NARF: variants seen among roughly 807,000 people sequenced by gnomAD.
NARF encodes the protein iron-only hydrogenase-like protein 2.
In NARF, 41 loss-of-function variants were observed where a neutral mutation model predicts 48.0. The ratio of observed to expected loss-of-function variants is 0.85; its 90% CI spans 0.66 to 1.11. The LOEUF is 1.11. NARF is among the 50% of genes least tolerant of loss of function. The pLI is 0.00. For synonymous variants in NARF, 215 were observed against 225.5 expected, an observed-to-expected ratio of 0.95 and a Z score of 0.42; for missense variants, 613 against 590.2, an observed-to-expected ratio of 1.04 and a Z score of -0.40.
Position 82,468,872 on chromosome 17 carries a change from C to T in NARF, c.361C>T (p.Leu121Phe), listed in dbSNP as rs747472934. 1.2e-6 allele frequency: 2 copies of T among 1,613,962 alleles called. No homozygotes were observed. Among genetic ancestry groups the T allele is most frequent in the South Asian group, 1.1e-5 (1 of 91,000 alleles). Residue 121 changes from leucine to phenylalanine, a missense_variant, in exon 4 of 11, where the codon CTC becomes TTC. By Grantham distance (22) the Leu-to-Phe change is conservative (BLOSUM62 0). Transcript: ENST00000309794. ...NLSVTDASRR[L>F]CGFLKSLGVH... ...CAGTGTAACTGATGCATCCAGAAGACTCTGTGGTTTCCTCAAAAGTCTTGG... is the reference window on the plus strand; with the variant it reads ...CAGTGTAACTGATGCATCCAGAAGATTCTGTGGTTTCCTCAAAAGTCTTGG...
At chr17:82,459,738 G>A (rs1021725504) in intron 1 of NARF, among the ~76,000 whole-genome samples, 8 of 152,032 alleles carry the variant, frequency 5.3e-5, no homozygotes, top group African/African-American at 1.7e-4. Flanking sequence ...GTGTGGTGGC[G>A]CACACCTGTA....
Position 82,487,929 on chromosome 17 carries a change from C to CA in NARF, c.1144dup (p.Arg382LysfsTer13). ...TTTATCTTTCAGGATGCTTAAATGG[C>CA]AGAGGCCAAGCCCAGACTCCAGACG... On this transcript the variant is annotated frameshift_variant, in exon 11 of 11. Coordinates refer to ENST00000309794, the MANE Select transcript of NARF (RefSeq NM_012336.4). LOFTEE classifies it low-confidence loss of function (END_TRUNC). 1 of 1,614,188 alleles carries CA rather than the reference C, an allele frequency of 6.2e-7. No individual in the cohort carries two copies. The highest frequency in any genetic ancestry group is 8.5e-7 in the Non-Finnish European group (1 of 1,180,024).
At chr17:82,486,359 G>C (rs1364443894) in intron 10 of NARF, among the ~76,000 whole-genome samples, 1 of 152,210 alleles carries the variant, frequency 6.6e-6, no homozygotes, top group East Asian at 1.9e-4. Context: ...CACCACGAGG[G>C]ACTCGAGTGG....
At chr17:82,467,815 T>G (rs2043606323) in intron 3 of NARF, among the ~76,000 whole-genome samples, 1 of 152,220 alleles carries the variant, frequency 6.6e-6, no homozygotes, top group Non-Finnish European at 1.5e-5. Context: ...GGCTGATGAC[T>G]TTTAAGAGGC....
rs145183528 is a variant in NARF at position 82,472,560 on chromosome 17, G to A, written c.386-4G>A. On this transcript the variant is annotated splice_polypyrimidine_tract_variant and splice_region_variant and intron_variant, in intron 4 of 10. Coordinates refer to ENST00000309794, the MANE Select transcript of NARF (RefSeq NM_012336.4). ...TAAGCTGAATATGCTCCTCTCTCCTGCAGGGGTGCACTATGTATTTGATAC... is the reference window on the plus strand; with the variant it reads ...TAAGCTGAATATGCTCCTCTCTCCTACAGGGGTGCACTATGTATTTGATAC... 6 of 1,608,254 alleles carry A rather than the reference G, an allele frequency of 3.7e-6. No homozygotes were observed. Among genetic ancestry groups the A allele is most frequent in the Middle Eastern group, 3.3e-4 (2 of 6,034 alleles).
At chr17:82,463,781 T>G (rs1341171507) in intron 2 of NARF, 2 of 155,084 alleles carry the variant, frequency 1.3e-5, no homozygotes, top group Non-Finnish European at 2.9e-5. Flanking sequence ...AAGCATCTTG[T>G]TACATGTCCG....
Position 82,488,348 on chromosome 17 carries a change from C to A in NARF, c.*191C>A. The A allele has an allele frequency of 6.4e-6, 5 of 784,492 alleles. No homozygotes were observed. Among genetic ancestry groups the A allele is most frequent in the Non-Finnish European group, 9.6e-6 (5 of 520,724 alleles). The allele number at this position is 784,492 out of a possible 1,614,324, so 48.6% of individuals were successfully genotyped here. On this transcript the variant is annotated 3_prime_UTR_variant, in exon 11 of 11. Transcript: ENST00000309794. ...AGGCAGTTTCATGTGGTGCTATCTT[C>A]ATAATAGGTGTGGGATTGGAACTTT... is the stretch of plus-strand genomic sequence containing the variant.
chr17:82,487,966 A>G lies in NARF; in HGVS notation c.1180A>G (p.Lys394Glu), dbSNP rs1209858740. The G allele has an allele frequency of 1.2e-6, 2 of 1,614,104 alleles. No individual in the cohort carries two copies. The highest frequency in any genetic ancestry group is 2.7e-5 in the African/African-American group (2 of 74,938). Residue 394 changes from lysine to glutamate, a missense_variant, in exon 11 of 11, where the codon AAG becomes GAG. Transcript: ENST00000309794. ...CCAGACTCCAGACGGACATGCGGAT[A>G]AGGCCCTGCTGCGGCAGATGGAAGG... ...QAQTPDGHAD[K>E]ALLRQMEGIY... is the part of the protein sequence containing the mutation.
chr17:82,487,788 C>CCCAAAA, intron 10 of NARF, 128 bp from the exon 11 acceptor site: 3 of 759,774 alleles, frequency 3.9e-6, no homozygotes, highest in Non-Finnish European at 2.1e-6. Context: ...CCCTCCCGCC[C>CCCAAAA]AATCTCTACA....
At chr17:82,468,670 C>CT in intron 3 of NARF, 94 bp from the exon 4 acceptor site, 3 of 1,191,304 alleles carry the variant, frequency 2.5e-6, no homozygotes, top group Non-Finnish European at 3.5e-6. Context: ...CATAGACCAT[C>CT]TATTAACGTT....
chr17:82,483,292 C>A, intron 7 of NARF: 2 of 354,214 alleles, frequency 5.6e-6, no homozygotes, highest in Non-Finnish European at 5.6e-6. Flanking sequence ...GGACTCCAGC[C>A]TGGGCGGCGG....
At chr17:82,462,305 G>A (rs1009582407) in intron 2 of NARF, among the ~76,000 whole-genome samples, 5 of 151,958 alleles carry the variant, frequency 3.3e-5, no homozygotes, top group Non-Finnish European at 7.4e-5. Context: ...GTGGACAGAC[G>A]TGCTCTAGGG....
At chr17:82,477,706 G>A (rs544276032) in intron 5 of NARF, 1 of 152,284 alleles carries the variant, frequency 6.6e-6, no homozygotes, top group African/African-American at 2.4e-5. Flanking sequence ...TAGAGACAGA[G>A]TCTCACCGTG....
upstream of NARF, chr17:82,458,482 G>C: frequency 3.1e-6 from 1 of 327,344 alleles, no homozygotes; most frequent in Non-Finnish European, 5.6e-6. Context: ...GCGGAAACCG[G>C]CGCAAGGACC....
chr17:82,484,444 GATCA>G (rs2044047749), intron 8 of NARF: 1 of 174,076 alleles, frequency 5.7e-6, no homozygotes, highest in South Asian at 1.6e-4. Flanking sequence ...GAGGTAGGAG[GATCA>G]CTTGAGTCCA....
chr17:82,486,444 G>C (rs1261874195), intron 10 of NARF, among the ~76,000 whole-genome samples: 1 of 152,200 alleles, frequency 6.6e-6, no homozygotes, highest in Non-Finnish European at 1.5e-5. Context: ...TGAAGCCACA[G>C]GATGGGAGGG....
chr17:82,469,692 G>A (rs1241503615), intron 4 of NARF, among the ~76,000 whole-genome samples: 3 of 152,000 alleles, frequency 2.0e-5, no homozygotes, highest in Non-Finnish European at 2.9e-5. Flanking sequence ...TGCAACCTCC[G>A]CCTCCCGGGT....
At chr17:82,468,703 G>A (rs1478380034) in intron 3 of NARF, 61 bp from the exon 4 acceptor site, 15 of 1,544,500 alleles carry the variant, frequency 9.7e-6, no homozygotes, top group African/African-American at 1.4e-5. Context: ...TCATTAAGGT[G>A]TGTAACTTTT....
At chr17:82,485,695 G>T in intron 10 of NARF, 41 bp downstream of exon 10, 1 of 1,609,636 alleles carries the variant, frequency 6.2e-7, no homozygotes, top group Non-Finnish European at 8.5e-7. Context: ...TCTCCCACGG[G>T]TGCTCAGGCC....
Sources: allele counts gnomAD v4.1 joint callset (sites outside exome capture counted in the v4.1 genomes callset), GRCh38; gene constraint gnomAD v4.1.1; transcripts MANE v1.5; gene names NCBI Gene and HGNC (gene_info 2026-07-23, HGNC 2026-07-21).